DOCK9: variants seen among roughly 807,000 people sequenced by gnomAD.
The protein encoded by DOCK9 is dedicator of cytokinesis 9.
In DOCK9, 89 loss-of-function variants were observed where a neutral mutation model predicts 263.3. That is an observed-to-expected ratio of 0.34 (90% confidence interval 0.28 to 0.40). The LOEUF is 0.40. Among genes scored for constraint, DOCK9 ranks in the 10% least tolerant of loss-of-function variants. The pLI, the probability that DOCK9 is intolerant of heterozygous loss-of-function variation, is 1.00. For synonymous variants in DOCK9, 976 were observed against 973.1 expected, an observed-to-expected ratio of 1.00 and a Z score of -0.06; for missense variants, 2,140 against 2,603.4, an observed-to-expected ratio of 0.82 and a Z score of 3.87.
intron 32 of DOCK9, among the ~76,000 whole-genome samples, chr13:98,860,880 C>A (rs76488119): frequency 0.059 from 8,971 of 152,234 alleles, 680 homozygotes; most frequent in African/African-American, 0.17. Flanking sequence ...GAGAAAGCCT[C>A]CCCTGCTCTT....
intron 2 of DOCK9, among the ~76,000 whole-genome samples, chr13:98,953,555 A>T (rs563434864): frequency 7.1e-4 from 108 of 152,318 alleles, no homozygotes; most frequent in Middle Eastern, 3.4e-3. Flanking sequence ...TAGGTTGCAA[A>T]CTCAAAAAAG....
chr13:99,032,167 T>C (rs1887410104), intron 1 of DOCK9, among the ~76,000 whole-genome samples: 2 of 152,236 alleles, frequency 1.3e-5, no homozygotes, highest in South Asian at 4.1e-4. Context: ...AATGAGATTA[T>C]ACACTGTTAA....
At chr13:98,796,104 G>A in intron 52 of DOCK9, 1 of 869,816 alleles carries the variant, frequency 1.1e-6, no homozygotes. Flanking sequence ...CTCTGCCCAT[G>A]TACTGTCATT....
intron 2 of DOCK9, among the ~76,000 whole-genome samples, chr13:98,948,977 G>A (rs776267701): frequency 7.2e-5 from 11 of 152,168 alleles, no homozygotes; most frequent in Non-Finnish European, 8.8e-5. Context: ...GTTGCTTCCC[G>A]CTTTCGGCTA....
intron 9 of DOCK9, among the ~76,000 whole-genome samples, chr13:98,909,063 C>T (rs1300395170): frequency 6.6e-6 from 1 of 152,096 alleles, no homozygotes. Flanking sequence ...CCCCAGACAC[C>T]CTGTTGCCAC....
intron 1 of DOCK9, among the ~76,000 whole-genome samples, chr13:98,970,093 C>G (rs2059586741): frequency 1.3e-5 from 2 of 152,088 alleles, no homozygotes; most frequent in Admixed American, 1.3e-4. Flanking sequence ...TTCCTGGGCT[C>G]AAGCAATCTT....
Position 98,797,098 on chromosome 13 carries a change from G to T in DOCK9, c.6156+17C>A. The T allele has an allele frequency of 6.2e-7, 1 of 1,613,906 alleles. No individual in the cohort carries two copies. Among genetic ancestry groups the T allele is most frequent in the Non-Finnish European group, 8.5e-7 (1 of 1,179,840 alleles). On this transcript the variant is annotated intron_variant, in intron 52 of 52. Transcript: ENST00000682017. ...TAACCAAGAACTCCAAGTTGTTGGA[G>T]CCAGTGCGGCCCTCACCTGCTCATG...
chr13:98,848,761 T>A (rs2093469047), intron 36 of DOCK9, 122 bp from the exon 37 acceptor site: 1 of 1,021,802 alleles, frequency 9.8e-7, no homozygotes, highest in East Asian at 2.6e-5. Flanking sequence ...ATAAGTCACA[T>A]CCTCATTCAT....
At chr13:99,000,289 C>A (rs1224469569) in intron 1 of DOCK9, among the ~76,000 whole-genome samples, 3 of 152,186 alleles carry the variant, frequency 2.0e-5, no homozygotes, top group African/African-American at 7.2e-5. Context: ...TGCAGAACCC[C>A]AGCAGGTCAT....
At position 99,028,032 on chromosome 13, in the gene DOCK9, C is replaced by T. The variant is rs140395023; in HGVS notation, c.129+58191G>A. Among the ~76,000 whole-genome samples, 780 of 152,286 alleles carry T rather than the reference C, an allele frequency of 5.1e-3. 7 individuals carry two copies. The highest frequency in any genetic ancestry group is 0.018 in the African/African-American group (748 of 41,566). On this transcript the variant is annotated intron_variant, in intron 1 of 32. Coordinates refer to the DOCK9 transcript ENST00000427887. Reference sequence around the variant, plus strand: ...TCCCCAAAGTAAGAAGACATTGGTCCAGAAATCAATAGAAGAAGTAGGAGT... The same window carrying T: ...TCCCCAAAGTAAGAAGACATTGGTCTAGAAATCAATAGAAGAAGTAGGAGT...
chr13:99,013,502 G>A (rs1884875601), intron 1 of DOCK9, among the ~76,000 whole-genome samples: 1 of 152,156 alleles, frequency 6.6e-6, no homozygotes, highest in Non-Finnish European at 1.5e-5. Context: ...CTGTTATTCT[G>A]GACAAAGAAT....
At chr13:98,807,165 C>G (rs935611699) in intron 48 of DOCK9, among the ~76,000 whole-genome samples, 1 of 152,160 alleles carries the variant, frequency 6.6e-6, no homozygotes, top group Non-Finnish European at 1.5e-5. Flanking sequence ...TTCATGAGAA[C>G]AGAATGCCAG....
chr13:99,061,328 T>G (rs1341095257), intron 1 of DOCK9, among the ~76,000 whole-genome samples: 1 of 152,222 alleles, frequency 6.6e-6, no homozygotes, highest in African/African-American at 2.4e-5. Flanking sequence ...CTTTTCTGCA[T>G]CTTTTAAAAA....
intron 35 of DOCK9, among the ~76,000 whole-genome samples, chr13:98,852,634 C>A (rs2093605375): frequency 1.3e-5 from 2 of 152,160 alleles, no homozygotes; most frequent in Non-Finnish European, 2.9e-5. Context: ...AATTCAATCA[C>A]CTTAATGAAG....
chr13:98,999,288 G>GCACACACACACACACACACACACACA (rs1412789503), intron 1 of DOCK9, among the ~76,000 whole-genome samples: 4 of 137,672 alleles, frequency 2.9e-5, no homozygotes, highest in South Asian at 5.4e-4. Context: ...ACGCATGCAC[G>GCACACACACACACACACACACACACA]CGCACACACA....
At chr13:99,013,513 A>G (rs932182641) in intron 1 of DOCK9, among the ~76,000 whole-genome samples, 2 of 152,252 alleles carry the variant, frequency 1.3e-5, no homozygotes, top group Non-Finnish European at 2.9e-5. Flanking sequence ...GACAAAGAAT[A>G]CGTCAGGTGA....
At chr13:98,955,748 G>A (rs2057978929) in intron 1 of DOCK9, among the ~76,000 whole-genome samples, 197 bp from the exon 2 acceptor site, 1 of 152,252 alleles carries the variant, frequency 6.6e-6, no homozygotes, top group Non-Finnish European at 1.5e-5. Flanking sequence ...TACACAGAGT[G>A]ATGCTTGTTC....
intron 32 of DOCK9, 129 bp from the exon 33 acceptor site, chr13:98,860,651 A>T: frequency 4.6e-5 from 25 of 543,714 alleles, no homozygotes; most frequent in Non-Finnish European, 5.2e-5. Context: ...CCTGCATGGG[A>T]GGAGTAGCCT....
At chr13:98,853,668 C>T (rs2093630865) in intron 34 of DOCK9, 146 bp from the exon 35 acceptor site, 2 of 656,596 alleles carry the variant, frequency 3.0e-6, no homozygotes, top group Non-Finnish European at 5.4e-6. Flanking sequence ...AATTAAACCA[C>T]AGGCACCCTT....
Sources: gnomAD v4.1 joint callset for allele counts (sites outside exome capture counted in the v4.1 genomes callset) on GRCh38, gnomAD v4.1.1 for gene constraint, MANE v1.5 for transcripts, NCBI Gene and HGNC (gene_info 2026-07-23, HGNC 2026-07-21) for gene names.